The following SCML2 variants were observed in gnomAD, a reference collection of about 807,000 sequenced individuals.
SCML2 encodes the protein Scm polycomb group protein like 2.
Under a neutral mutation model 48.4 loss-of-function variants are expected in SCML2, and 6 were observed. The ratio of observed to expected loss-of-function variants is 0.12; its 90% confidence interval spans 0.07 to 0.24. The LOEUF is 0.24. Ranked by LOEUF, SCML2 falls within the 10% of genes least tolerant of loss-of-function variation. The pLI, the probability that SCML2 is intolerant of heterozygous loss-of-function variation, is 1.00. For missense variants in SCML2, 377 were observed against 528.2 expected, an observed-to-expected ratio of 0.71 and a Z score of 2.81; for synonymous variants, 181 against 189.5, an observed-to-expected ratio of 0.95 and a Z score of 0.37.
intron 7 of SCML2, among the ~76,000 whole-genome samples, chrX:18,288,658 C>T (rs1928135830): frequency 9.0e-6 from 1 of 111,665 alleles, no homozygotes; most frequent in African/African-American, 3.3e-5. Flanking sequence ...TCTTTAACCA[C>T]ACTTCAATTA....
intron 7 of SCML2, among the ~76,000 whole-genome samples, chrX:18,292,670 A>G (rs930531231): frequency 9.0e-6 from 1 of 111,184 alleles, no homozygotes; most frequent in African/African-American, 3.3e-5. Flanking sequence ...AAAAGTCCCC[A>G]TTACCACTTC....
chrX:18,345,055 T>C (rs1930156306), intron 1 of SCML2, among the ~76,000 whole-genome samples: 1 of 111,614 alleles, frequency 9.0e-6, no homozygotes, highest in Non-Finnish European at 1.9e-5. Context: ...ATACTGTTAT[T>C]AATGTCCATT....
At chrX:18,273,393 C>T (rs902787419) in intron 7 of SCML2, among the ~76,000 whole-genome samples, 3 of 111,694 alleles carry the variant, frequency 2.7e-5, no homozygotes, top group African/African-American at 9.8e-5. Context: ...CAATAGCCAA[C>T]TAGATATCTA....
Position 18,290,553 on chromosome X carries a change from A to G in SCML2, c.730+14419T>C, listed in dbSNP as rs192778434. Among the ~76,000 whole-genome samples the G allele has an allele frequency of 2.0e-3, 221 of 111,442 alleles. 1 individual carries two copies. The highest frequency in any genetic ancestry group is 3.5e-3 in the Non-Finnish European group (184 of 53,085). ...AGTGTAGGTCATTAAGTTACAATCA[A>G]TGATACATAAATCTGAAGCTAAAGT... On this transcript the variant is annotated intron_variant, in intron 7 of 14. Coordinates refer to ENST00000251900, the MANE Select transcript of SCML2 (RefSeq NM_006089.3).
At chrX:18,302,831 T>C (rs1334467207) in intron 7 of SCML2, among the ~76,000 whole-genome samples, 1 of 112,297 alleles carries the variant, frequency 8.9e-6, no homozygotes, top group Non-Finnish European at 1.9e-5. Flanking sequence ...AGCTATCCAA[T>C]GAACATGTGC....
At chrX:18,349,061 C>T (rs1261778907) in intron 1 of SCML2, among the ~76,000 whole-genome samples, 1 of 112,061 alleles carries the variant, frequency 8.9e-6, no homozygotes, top group African/African-American at 3.2e-5. Context: ...ACAGAGGTTG[C>T]GAAAAATCAA....
rs182530412 is a variant in SCML2 at position 18,260,617 on chromosome X, G to A, written c.949-326C>T. 2.8e-3 allele frequency among the ~76,000 whole-genome samples: 294 copies of A among 105,155 alleles called. 22 individuals carry two copies. The highest frequency in any genetic ancestry group is 0.011 in the African/African-American group (281 of 24,747). 91.3% of individuals were successfully genotyped at this position (105,155 alleles called of 115,157 possible). On this transcript the variant is annotated intron_variant, in intron 8 of 14. Coordinates refer to ENST00000251900, the MANE Select transcript of SCML2 (RefSeq NM_006089.3). ...TTTTTTGAGGTTCCCTGTAAGACAA[G>A]TTTTTTCACATTGCTAAAGAAAAGT...
intron 13 of SCML2, among the ~76,000 whole-genome samples, chrX:18,244,238 T>C (rs1169856754): frequency 1.8e-5 from 2 of 111,780 alleles, no homozygotes; most frequent in Non-Finnish European, 3.8e-5. Flanking sequence ...GTGCCTAAGT[T>C]AGCATTCTGA....
At chrX:18,317,766 G>A (rs1455993555) in intron 6 of SCML2, among the ~76,000 whole-genome samples, 6 of 105,273 alleles carry the variant, frequency 5.7e-5, no homozygotes, top group African/African-American at 1.4e-4. Context: ...CCCGGGAGGC[G>A]GAGCTTGCAG....
intron 11 of SCML2, among the ~76,000 whole-genome samples, chrX:18,254,899 G>C (rs1926785404): frequency 9.0e-6 from 1 of 111,399 alleles, no homozygotes; most frequent in South Asian, 3.8e-4. Context: ...ACTCCAACCT[G>C]GGTGACAGAC....
At chrX:18,245,271 C>CTAT (rs1158190749) in intron 13 of SCML2, among the ~76,000 whole-genome samples, 5 of 112,148 alleles carry the variant, frequency 4.5e-5, no homozygotes, top group Non-Finnish European at 1.9e-5. Context: ...AGACCAGAAG[C>CTAT]TAGCCGTCTG....
intron 5 of SCML2, among the ~76,000 whole-genome samples, chrX:18,322,077 CT>C (rs1929340449): frequency 9.0e-6 from 1 of 111,584 alleles, no homozygotes; most frequent in South Asian, 3.7e-4. Flanking sequence ...TGTGTTAAAA[CT>C]TTATAAAATC....
intron 7 of SCML2, among the ~76,000 whole-genome samples, chrX:18,284,196 G>A (rs189247397): frequency 1.4e-3 from 154 of 112,192 alleles, no homozygotes; most frequent in African/African-American, 4.7e-3. Context: ...ATGGTGCTGC[G>A]ATAAGTGGCT....
rs1222015609 is a variant in SCML2 at position 18,326,790 on chromosome X, GCCTCAGTT to G, written c.92-1821_92-1814del. 1.1e-4 allele frequency among the ~76,000 whole-genome samples: 12 copies of G among 110,285 alleles called. No homozygotes were observed. In the East Asian group the frequency reaches 3.1e-3, roughly 29 times the overall value. On this transcript the variant is annotated intron_variant, in intron 3 of 14. Coordinates refer to ENST00000251900, the MANE Select transcript of SCML2 (RefSeq NM_006089.3). ...CCTGAGCAAGTCATTCACTTTCTTA[GCCTCAGTT>G]CCTTCATTTATAAAACGGGAAAAGT...
intron 7 of SCML2, among the ~76,000 whole-genome samples, chrX:18,297,587 C>G (rs1350164204): frequency 1.8e-5 from 2 of 111,901 alleles, no homozygotes; most frequent in Non-Finnish European, 3.8e-5. Flanking sequence ...AAATTCAGTA[C>G]AGTTGCAAGA....
Position 18,284,710 on chromosome X carries a change from A to C in SCML2, c.731-18908T>G, listed in dbSNP as rs758392184. Among the ~76,000 whole-genome samples, 517 of 112,415 alleles carry C rather than the reference A, an allele frequency of 4.6e-3. 6 individuals carry two copies. The highest frequency in any genetic ancestry group is 0.016 in the African/African-American group (486 of 31,007). ...CAAAACCACAATGACATACCATCTC[A>C]CACCAGTCAGAATGGCTATTATTTA... is the stretch of plus-strand genomic sequence containing the variant. On this transcript the variant is annotated intron_variant, in intron 7 of 14. Coordinates refer to ENST00000251900, the MANE Select transcript of SCML2 (RefSeq NM_006089.3).
At chrX:18,265,500 T>C in intron 8 of SCML2, 85 bp downstream of exon 8, 1 of 726,914 alleles carries the variant, frequency 1.4e-6, no homozygotes, top group Non-Finnish European at 2.1e-6. Flanking sequence ...CTCATCATAC[T>C]CTTAGTAAAT....
intron 7 of SCML2, among the ~76,000 whole-genome samples, chrX:18,288,568 C>A (rs1169069425): frequency 3.6e-5 from 4 of 111,563 alleles, no homozygotes; most frequent in Non-Finnish European, 7.5e-5. Context: ...ATATTTAGAA[C>A]AAAACAGAGG....
At position 18,257,041 on chromosome X, in the gene SCML2, A is replaced by G. The variant is rs764991145; in HGVS notation, c.1274-11T>C. 3.0e-5 allele frequency: 33 copies of G among 1,091,027 alleles called. No homozygotes were observed. Among genetic ancestry groups the G allele is most frequent in the East Asian group, 3.2e-5 (1 of 30,861 alleles). The allele number at this position is 1,091,027 out of a possible 1,213,427, so 89.9% of individuals were successfully genotyped here. On this transcript the variant is annotated splice_polypyrimidine_tract_variant and intron_variant, in intron 10 of 14. Transcript: ENST00000251900. The stretch of plus-strand genomic sequence containing the variant: ...CCCCATCAAAGGAGGCTATTGGGGG[A>G]AAAAAAAGGATGTCAGTAACCTCAG...
Sources: gnomAD v4.1 joint callset for allele counts (sites outside exome capture counted in the v4.1 genomes callset) on GRCh38, gnomAD v4.1.1 for gene constraint, MANE v1.5 for transcripts, NCBI Gene and HGNC (gene_info 2026-07-23, HGNC 2026-07-21) for gene names.